The following CASD1 variants were observed in gnomAD, a reference collection of about 807,000 sequenced individuals.
CASD1 encodes the protein N-acetylneuraminate (7)9-O-acetyltransferase.
CASD1 carries 41 observed loss-of-function variants against 100.0 expected under a neutral mutation model. The ratio of observed to expected loss-of-function variants is 0.41; its 90% confidence interval spans 0.32 to 0.53. The LOEUF is 0.53. Among genes scored for constraint, CASD1 ranks in the 20% least tolerant of loss-of-function variants. The pLI is 0.25. For synonymous variants in CASD1, 321 were observed against 315.6 expected (o/e 1.02, Z -0.18); for missense variants, 774 against 948.7 (o/e 0.82, Z 2.42).
rs903779418 is a variant in CASD1, at chr7:94,549,121, A to T, written c.1714-412A>T. On this transcript the variant is annotated intron_variant, in intron 13 of 17. Coordinates refer to ENST00000297273, the MANE Select transcript of CASD1 (RefSeq NM_022900.5). ...TTGTTATTTGGGATACTGATACCAT[A>T]CTGGCTGAAATATTTTGTATTTTTC... Among the ~76,000 whole-genome samples the T allele has an allele frequency of 7.9e-5, 12 of 151,956 alleles. No individual in the cohort carries two copies. In the South Asian group the frequency reaches 8.3e-4, roughly 10 times the overall value.
chr7:94,528,995 C>A (rs1251575341), intron 5 of CASD1, among the ~76,000 whole-genome samples: 2 of 152,002 alleles, frequency 1.3e-5, no homozygotes, highest in Non-Finnish European at 2.9e-5. Flanking sequence ...GCAACCACAT[C>A]ATACAATAAA....
chr7:94,623,627 T>C, the CASD1 span: 1 of 500,970 alleles, frequency 2.0e-6, no homozygotes, highest in African/African-American at 2.0e-5. Context: ...AAAGTTAAAA[T>C]CAGAAAGACT....
rs746294452 is a variant in CASD1 at position 94,544,506 on chromosome 7, T to C, written c.1452T>C (p.Asp484=). 3.7e-6 allele frequency: 6 copies of C among 1,612,810 alleles called. No homozygotes were observed. In the African/African-American group the frequency reaches 8.0e-5, roughly 22 times the overall value. The change falls in exon 11 of 18, where the codon GAT becomes GAC. Residue 484 remains aspartate (D), a synonymous_variant. Coordinates refer to ENST00000297273, the MANE Select transcript of CASD1 (RefSeq NM_022900.5). The stretch of plus-strand genomic sequence containing the variant: ...TCTCATACTTTTGGATAAAAGGAGA[T>C]TTTGGAATCTATAGAGTATGTCAGG... The part of the protein sequence containing the change: ...GHFSYFWIKG[D]FGIYRVCQVL...
chr7:94,526,407 G>A (rs1289483951), intron 3 of CASD1, among the ~76,000 whole-genome samples: 2 of 152,182 alleles, frequency 1.3e-5, no homozygotes, highest in South Asian at 2.1e-4. Context: ...ATATATCCAC[G>A]TCGCATTAGC....
chr7:94,544,268 C>A, intron 10 of CASD1, 143 bp from the exon 11 acceptor site: 1 of 1,004,322 alleles, frequency 1.0e-6, no homozygotes, highest in Non-Finnish European at 1.5e-6. Context: ...GCTATAATGA[C>A]TAACTTTTGA....
At position 94,528,416 on chromosome 7, in the gene CASD1, G is replaced by A. The variant is rs373498217; in HGVS notation, c.459+166G>A. Among the ~76,000 whole-genome samples the A allele has an allele frequency of 4.6e-5, 7 of 152,114 alleles. No homozygotes were observed. The East Asian group carries it at 9.7e-4, about 21-fold the overall frequency. On this transcript the variant is annotated intron_variant, in intron 5 of 17. Transcript: ENST00000297273. ...ACTGATTCTAGCACTTCATTGAGAAGAGAAGATGTAGATCCAATATCTCTG... is the reference window on the plus strand; with the variant it reads ...ACTGATTCTAGCACTTCATTGAGAAAAGAAGATGTAGATCCAATATCTCTG...
chr7:94,545,538 T>A lies in CASD1; in HGVS notation c.1477-7T>A. The A allele has an allele frequency of 6.3e-7, 1 of 1,595,036 alleles. No homozygotes were observed. The highest frequency in any genetic ancestry group is 8.6e-7 in the Non-Finnish European group (1 of 1,167,214). ...GAATGAAACCATTTTCTTCTCCTTT[T>A]CAATAGGTTTTATTTCGTCTCAATT... is the stretch of plus-strand genomic sequence containing the variant. On this transcript the variant is annotated splice_region_variant and splice_polypyrimidine_tract_variant and intron_variant, in intron 11 of 17. Transcript: ENST00000297273.
chr7:94,527,059 T>A, intron 3 of CASD1, 103 bp from the exon 4 acceptor site: 1 of 866,086 alleles, frequency 1.2e-6, no homozygotes, highest in Middle Eastern at 3.5e-4. Context: ...TAAAAATATA[T>A]CAACAAAAAT....
chr7:94,538,603 A>T (rs1211024871), intron 9 of CASD1, among the ~76,000 whole-genome samples: 1 of 151,996 alleles, frequency 6.6e-6, no homozygotes, highest in Non-Finnish European at 1.5e-5. Flanking sequence ...TTAACCCTGA[A>T]ATTCTAAAGA....
chr7:94,548,800 C>A (rs1479197617), intron 13 of CASD1, among the ~76,000 whole-genome samples: 2 of 151,684 alleles, frequency 1.3e-5, no homozygotes, highest in Non-Finnish European at 2.9e-5. Flanking sequence ...ATTCTTTATT[C>A]TGAAAATTGA....
At chr7:94,521,445 T>C (rs1794263079) in intron 3 of CASD1, among the ~76,000 whole-genome samples, 1 of 152,196 alleles carries the variant, frequency 6.6e-6, no homozygotes, top group Non-Finnish European at 1.5e-5. Flanking sequence ...ATAGCAGATA[T>C]GTCAAGGGTA....
intron 5 of CASD1, among the ~76,000 whole-genome samples, chr7:94,529,423 A>G (rs1584396914): frequency 2.0e-5 from 3 of 152,270 alleles, no homozygotes; most frequent in Admixed American, 6.5e-5. Flanking sequence ...CTTAGATTCT[A>G]TTGTAAAACT....
At chr7:94,571,815 G>A in the CASD1 span, among the ~76,000 whole-genome samples, 2 of 151,662 alleles carry the variant, frequency 1.3e-5, no homozygotes, top group Admixed American at 6.6e-5. Context: ...GCTGCCAAAA[G>A]TGTGGCACAA....
At chr7:94,545,389 A>T (rs1190397854) in intron 11 of CASD1, among the ~76,000 whole-genome samples, 156 bp from the exon 12 acceptor site, 1 of 152,104 alleles carries the variant, frequency 6.6e-6, no homozygotes, top group Non-Finnish European at 1.5e-5. Flanking sequence ...TGTAAAACAA[A>T]TGTAATTTAA....
intron 17 of CASD1, among the ~76,000 whole-genome samples, chr7:94,555,016 T>G (rs563168741): frequency 6.6e-6 from 1 of 152,134 alleles, no homozygotes; most frequent in Admixed American, 6.6e-5. Context: ...TTGGAAATTG[T>G]GGGAGAAAGT....
chr7:94,511,737 GATAA>G (rs921294938), intron 1 of CASD1, among the ~76,000 whole-genome samples: 15 of 152,196 alleles, frequency 9.9e-5, no homozygotes, highest in African/African-American at 2.4e-4. Flanking sequence ...ATTGTCCTAA[GATAA>G]ATAAACATCT....
intron 8 of CASD1, among the ~76,000 whole-genome samples, chr7:94,536,503 TCTC>T: frequency 1.3e-5 from 2 of 152,272 alleles, no homozygotes; most frequent in African/African-American, 2.4e-5. Context: ...GTTTTGTTCT[TCTC>T]CTGCAGAATA....
At chr7:94,533,626 T>G in intron 6 of CASD1, 53 bp from the exon 7 acceptor site, 3 of 1,378,222 alleles carry the variant, frequency 2.2e-6, no homozygotes, top group Non-Finnish European at 3.0e-6. Context: ...ATTATATACT[T>G]TAATTGTTTG....
the CASD1 span, chr7:94,620,279 G>C: frequency 1.3e-5 from 2 of 152,062 alleles, no homozygotes; most frequent in African/African-American, 4.8e-5. Context: ...GAGTTTTCTA[G>C]AGTGTGGTCA....
Sources: allele counts gnomAD v4.1 joint callset (sites outside exome capture counted in the v4.1 genomes callset), GRCh38; gene constraint gnomAD v4.1.1; transcripts MANE v1.5; gene names NCBI Gene and HGNC (gene_info 2026-07-23, HGNC 2026-07-21).